Variants in PIWIL3 observed in about 807,000 individuals in gnomAD.
PIWIL3 encodes piwi like RNA-mediated gene silencing 3, also known as piwi-like protein 3.
PIWIL3 carries 101 observed loss-of-function variants against 109.7 expected under a neutral mutation model. The ratio of observed to expected loss-of-function variants is 0.92; its 90% CI spans 0.78 to 1.09. The LOEUF is 1.09. Ranked by LOEUF, PIWIL3 falls within the 50% of genes least tolerant of loss-of-function variation. The probability of loss-of-function intolerance (pLI) is 0.00; values close to 1 mark genes in which losing one functional copy is unlikely to be tolerated. For synonymous variants in PIWIL3, 373 were observed against 376.4 expected, an observed-to-expected ratio of 0.99 and a Z score of 0.10; for missense variants, 1,031 against 1,072.6, an observed-to-expected ratio of 0.96 and a Z score of 0.54.
intron 12 of PIWIL3, among the ~76,000 whole-genome samples, chr22:24,747,255 T>C (rs1206576034): frequency 6.6e-6 from 1 of 152,100 alleles, no homozygotes; most frequent in Non-Finnish European, 1.5e-5. Context: ...TATATCCATA[T>C]GCGGAAGAAT....
chr22:24,759,961 G>A lies in PIWIL3; in HGVS notation c.131C>T (p.Thr44Ile). 1 of 1,614,162 alleles carries A rather than the reference G, an allele frequency of 6.2e-7. No homozygotes were observed. The highest frequency in any genetic ancestry group is 8.5e-7 in the Non-Finnish European group (1 of 1,180,036). ...TTQEPPQLQS[T>I]PRPLQEEVPV... The stretch of plus-strand genomic sequence containing the variant: ...GACTTCCTCCTGCAGCGGCCGGGGT[G>A]TCGACTGCAACTGAGGGGGCTCCTG... The change falls in exon 3 of 21, where the codon ACA (threonine) becomes ATA (isoleucine). Residue 44 changes from threonine to isoleucine, a missense_variant. Thr to Ile is a moderately conservative substitution (Grantham distance 89). Coordinates refer to ENST00000616349, the MANE Select transcript of PIWIL3 (RefSeq NM_001255975.1).
intron 12 of PIWIL3, among the ~76,000 whole-genome samples, chr22:24,743,114 A>C (rs1431255968): frequency 6.6e-6 from 1 of 152,208 alleles, no homozygotes; most frequent in Non-Finnish European, 1.5e-5. Flanking sequence ...CAAATGGCCA[A>C]CATGAAAACA....
chr22:24,724,929 G>C lies in PIWIL3; in HGVS notation c.2189C>G (p.Ala730Gly). 6.2e-7 allele frequency: 1 copy of C among 1,613,926 alleles called. No homozygotes were observed. Among genetic ancestry groups the C allele is most frequent in the Non-Finnish European group, 8.5e-7 (1 of 1,179,986 alleles). The change falls in exon 18 of 21, where the codon GCG becomes GGG. Residue 730 changes from alanine (A) to glycine (G), a missense_variant. Transcript: ENST00000616349. ...TTTTAAGTAGGTCGACATCTTTTTCGCTTCATGGTCAAGCAATGCTTGAAG... is the reference window on the plus strand; with the variant it reads ...TTTTAAGTAGGTCGACATCTTTTTCCCTTCATGGTCAAGCAATGCTTGAAG... The part of the protein sequence containing the change: ...GQLQALLDHE[A>G]KKMSTYLKTI...
intron 12 of PIWIL3, among the ~76,000 whole-genome samples, chr22:24,741,216 A>G (rs1268245767): frequency 1.3e-5 from 2 of 152,242 alleles, no homozygotes; most frequent in Non-Finnish European, 2.9e-5. Flanking sequence ...GCATCGCTTT[A>G]TGATTAAAAA....
chr22:24,721,433 C>T lies in PIWIL3; in HGVS notation c.2358-1538G>A, dbSNP rs76795499. Among the ~76,000 whole-genome samples, 48 of 152,266 alleles carry T rather than the reference C, an allele frequency of 3.2e-4. No individual in the cohort carries two copies. The East Asian group carries it at 8.5e-3, about 27-fold the overall frequency. On this transcript the variant is annotated intron_variant, in intron 19 of 20. Transcript: ENST00000616349. ...CTTAGGATTCAGAATCTCAGACTTT[C>T]TCTTTGAATATTGCTCCACCCCACC...
intron 12 of PIWIL3, among the ~76,000 whole-genome samples, chr22:24,742,801 A>G (rs895123618): frequency 1.3e-4 from 20 of 152,354 alleles, no homozygotes; most frequent in African/African-American, 4.6e-4. Flanking sequence ...GAATTCTAGA[A>G]GATAACATCA....
chr22:24,771,476 CAAA>C (rs60085341), intron 1 of PIWIL3, among the ~76,000 whole-genome samples: 51,359 of 114,040 alleles, frequency 0.45, 9,773 homozygotes, highest in East Asian at 0.6. Context: ...GACTCCATCT[CAAA>C]AAAAAAAAAA....
At chr22:24,755,154 G>A (rs775813694) in intron 6 of PIWIL3, among the ~76,000 whole-genome samples, 30 of 152,060 alleles carry the variant, frequency 2.0e-4, no homozygotes, top group Non-Finnish European at 4.0e-4. Context: ...ACAGAGTCTC[G>A]CTCTGTTGCC....
chr22:24,728,040 A>T lies in PIWIL3; in HGVS notation c.1919T>A (p.Met640Lys). Residue 640 changes from methionine to lysine, a missense_variant, in exon 16 of 21, where the codon ATG (methionine) becomes AAG (lysine). By Grantham distance (95) the Met-to-Lys change is moderately conservative. Coordinates refer to ENST00000616349, the MANE Select transcript of PIWIL3 (RefSeq NM_001255975.1). ...WKVETDVQRT[M>K]FVGIDCFHDI... ...GTGGAAACAATCAATGCCAACGAAC[A>T]TTGTTCTTTGTACCTTAAGTTTGTT... The T allele has an allele frequency of 8.1e-6, 13 of 1,614,000 alleles. No homozygotes were observed. Among genetic ancestry groups the T allele is most frequent in the Non-Finnish European group, 1.1e-5 (13 of 1,179,950 alleles).
intron 16 of PIWIL3, among the ~76,000 whole-genome samples, chr22:24,727,482 CAACAACAACAACAACA>C (rs1923066242): frequency 6.6e-6 from 1 of 151,578 alleles, no homozygotes; most frequent in Non-Finnish European, 1.5e-5. Flanking sequence ...AGCTGACGGT[CAACAACAACAACAACA>C]AACAACAACA....
chr22:24,773,020 G>A (rs1926213791), intron 1 of PIWIL3, among the ~76,000 whole-genome samples: 1 of 152,090 alleles, frequency 6.6e-6, no homozygotes, highest in Non-Finnish European at 1.5e-5. Flanking sequence ...TCTGCTCCAC[G>A]TGTCTGTGTC....
chr22:24,726,679 G>A (rs1923020686), intron 16 of PIWIL3, among the ~76,000 whole-genome samples: 1 of 152,176 alleles, frequency 6.6e-6, no homozygotes, highest in South Asian at 2.1e-4. Flanking sequence ...AAAAGCATCT[G>A]TTGAATAATT....
chr22:24,735,990 A>G, intron 12 of PIWIL3, 98 bp from the exon 13 acceptor site: 1 of 1,003,818 alleles, frequency 1.0e-6, no homozygotes, highest in Non-Finnish European at 1.4e-6. Flanking sequence ...TCCTATAGAA[A>G]TGTTACAATT....
At position 24,729,087 on chromosome 22, in the gene PIWIL3, C is replaced by T. The variant is rs771582903; in HGVS notation, c.1708-713G>A. Among the ~76,000 whole-genome samples, 15 of 152,096 alleles carry T rather than the reference C, an allele frequency of 9.9e-5. No homozygotes were observed. The East Asian group carries it at 1.7e-3, about 18-fold the overall frequency. On this transcript the variant is annotated intron_variant, in intron 14 of 20. Transcript: ENST00000616349. ...TGCTTCTACAGACAAGTACACAGTGCGGACTCCATGGGAAGTTGCATAAGG... is the reference window on the plus strand; with the variant it reads ...TGCTTCTACAGACAAGTACACAGTGTGGACTCCATGGGAAGTTGCATAAGG...
At chr22:24,726,207 G>T (rs565497091) in intron 16 of PIWIL3, among the ~76,000 whole-genome samples, 113 of 152,168 alleles carry the variant, frequency 7.4e-4, no homozygotes, top group Middle Eastern at 3.4e-3. Flanking sequence ...TGCTTTCTTG[G>T]GTTTGGAGTA....
intron 3 of PIWIL3, 109 bp from the exon 4 acceptor site, chr22:24,758,148 G>C: frequency 7.7e-7 from 1 of 1,297,286 alleles, no homozygotes; most frequent in East Asian, 2.5e-5. Flanking sequence ...TGCCACCCAA[G>C]GTTCCAAAAC....
At chr22:24,759,823 A>G in intron 3 of PIWIL3, 46 bp downstream of exon 3, 1 of 1,613,144 alleles carries the variant, frequency 6.2e-7, no homozygotes, top group Non-Finnish European at 8.5e-7. Flanking sequence ...AGCCCTTCAC[A>G]CATGAAGCAT....
In PIWIL3 at chr22:24,757,860, A is replaced by C. The variant is rs745530292; in HGVS notation, c.355+48T>G. ...CTCTCAATGAAAAAAAAAAAAAAAA[A>C]GTTAAAAACGAACAGCTCCATAAAC... On this transcript the variant is annotated intron_variant, in intron 4 of 20. Transcript: ENST00000616349. 10 of 1,492,094 alleles carry C rather than the reference A, an allele frequency of 6.7e-6. No individual in the cohort carries two copies. The Admixed American group carries it at 1.9e-4, about 28-fold the overall frequency. The allele number at this position is 1,492,094 out of a possible 1,614,324, so 92.4% of individuals were successfully genotyped here.
At chr22:24,735,449 G>A (rs550431210) in intron 13 of PIWIL3, among the ~76,000 whole-genome samples, 1 of 152,250 alleles carries the variant, frequency 6.6e-6, no homozygotes, top group South Asian at 2.1e-4. Context: ...TCAGTTTTTG[G>A]AAACATGCGT....
Sources: allele counts gnomAD v4.1 joint callset (sites outside exome capture counted in the v4.1 genomes callset), GRCh38; gene constraint gnomAD v4.1.1; transcripts MANE v1.5; gene names NCBI Gene and HGNC (gene_info 2026-07-23, HGNC 2026-07-21).